SORCS3: variants seen among roughly 807,000 people sequenced by gnomAD.
SORCS3 encodes sortilin related VPS10 domain containing receptor 3.
A neutral mutation model predicts 146.3 loss-of-function variants in SORCS3; 57 were observed. The ratio of observed to expected loss-of-function variants is 0.39; its 90% confidence interval spans 0.31 to 0.49. The LOEUF is 0.49. Ranked by LOEUF, SORCS3 falls within the 20% of genes least tolerant of loss-of-function variation. The pLI, the probability that SORCS3 is intolerant of heterozygous loss-of-function variation, is 0.92. For synonymous variants in SORCS3, 653 were observed against 618.5 expected, an observed-to-expected ratio of 1.06 and a Z score of -0.83; for missense variants, 1,341 against 1,575.5, an observed-to-expected ratio of 0.85 and a Z score of 2.52.
intron 1 of SORCS3, among the ~76,000 whole-genome samples, chr10:104,722,340 G>A (rs2016560031): frequency 6.6e-6 from 1 of 152,134 alleles, no homozygotes; most frequent in Non-Finnish European, 1.5e-5. Flanking sequence ...ACTTGATCAT[G>A]GTGGATAAGC....
chr10:104,910,719 A>C (rs892385467), intron 2 of SORCS3, among the ~76,000 whole-genome samples: 11 of 152,246 alleles, frequency 7.2e-5, no homozygotes, highest in Non-Finnish European at 1.5e-4. Flanking sequence ...TGTGCTGGAA[A>C]TAATAAGAAA....
chr10:104,995,162 C>CTT (rs1260330772), intron 4 of SORCS3, among the ~76,000 whole-genome samples: 6 of 121,856 alleles, frequency 4.9e-5, no homozygotes, highest in African/African-American at 2.1e-4. Context: ...TTCTTTCTTT[C>CTT]TCTTTTTTTT....
rs146762305 is a variant in SORCS3, at chr10:104,803,762, C to A, written c.628-39030C>A. Among the ~76,000 whole-genome samples, 675 of 152,206 alleles carry A rather than the reference C, an allele frequency of 4.4e-3. 3 individuals are homozygous for A. Among genetic ancestry groups the A allele is most frequent in the African/African-American group, 0.015 (630 of 41,538 alleles). On this transcript the variant is annotated intron_variant, in intron 1 of 26. Coordinates refer to ENST00000369701, the MANE Select transcript of SORCS3 (RefSeq NM_014978.3). ...AAGCTCTCACTGCAGGTGAGTGACC[C>A]CATTTTTTACTTCTGGGTTCTCATG... is the stretch of plus-strand genomic sequence containing the variant.
At chr10:104,887,963 G>GT (rs1564706324) in intron 2 of SORCS3, among the ~76,000 whole-genome samples, 4 of 126,948 alleles carry the variant, frequency 3.2e-5, no homozygotes, top group African/African-American at 3.3e-5. Flanking sequence ...TGGGGGCGGG[G>GT]GGGCGGGGGC....
intron 14 of SORCS3, among the ~76,000 whole-genome samples, chr10:105,184,340 A>G (rs993340215): frequency 5.3e-5 from 8 of 152,326 alleles, no homozygotes; most frequent in African/African-American, 1.9e-4. Context: ...TGCATGTCAT[A>G]AAATATAATT....
chr10:105,021,531 C>T (rs915198845), intron 4 of SORCS3, among the ~76,000 whole-genome samples: 7 of 152,158 alleles, frequency 4.6e-5, no homozygotes, highest in Non-Finnish European at 8.8e-5. Flanking sequence ...AGAATTCAAG[C>T]GCTCTTTTCC....
chr10:105,144,845 A>C (rs2056120111), intron 8 of SORCS3, among the ~76,000 whole-genome samples: 2 of 152,146 alleles, frequency 1.3e-5, no homozygotes. Context: ...CTATTGGACC[A>C]ATTTTAGCTA....
intron 3 of SORCS3, among the ~76,000 whole-genome samples, chr10:104,974,597 GT>G (rs1046114074): frequency 6.6e-6 from 1 of 152,046 alleles, no homozygotes; most frequent in African/African-American, 2.4e-5. Context: ...GTCTCTACAC[GT>G]GAGATGGGTT....
chr10:104,737,990 A>G (rs906667518), intron 1 of SORCS3, among the ~76,000 whole-genome samples: 20 of 151,722 alleles, frequency 1.3e-4, no homozygotes, highest in African/African-American at 4.6e-4. Flanking sequence ...AGCTTTCTAC[A>G]TATGGCTAGC....
At chr10:104,644,838 C>T (rs17117493) in intron 1 of SORCS3, among the ~76,000 whole-genome samples, 2,997 of 152,238 alleles carry the variant, frequency 0.02, 47 homozygotes, top group Non-Finnish European at 0.028. Flanking sequence ...TTTTGGGGAG[C>T]GTTTTCAGTA....
At chr10:104,800,120 TACATCCAG>T (rs1205610729) in intron 1 of SORCS3, among the ~76,000 whole-genome samples, 2 of 152,180 alleles carry the variant, frequency 1.3e-5, no homozygotes, top group African/African-American at 4.8e-5. Context: ...TAAACTGTGA[TACATCCAG>T]ACGATGGAAG....
chr10:105,234,315 A>T (rs2056780860), intron 20 of SORCS3, among the ~76,000 whole-genome samples: 1 of 150,930 alleles, frequency 6.6e-6, no homozygotes, highest in Non-Finnish European at 1.5e-5. Flanking sequence ...TTTTTTCTTA[A>T]TCTTTGATTT....
At chr10:105,029,421 A>G (rs941862766) in intron 4 of SORCS3, among the ~76,000 whole-genome samples, 1 of 152,230 alleles carries the variant, frequency 6.6e-6, no homozygotes, top group East Asian at 1.9e-4. Flanking sequence ...TGCACAGACC[A>G]TATCCCTTTT....
intron 4 of SORCS3, among the ~76,000 whole-genome samples, chr10:105,003,599 T>C (rs2055074413): frequency 6.6e-6 from 1 of 152,238 alleles, no homozygotes; most frequent in Admixed American, 6.5e-5. Context: ...CAGATAAATA[T>C]GCAGAGCAAG....
chr10:105,031,607 C>T (rs2791461), intron 4 of SORCS3, among the ~76,000 whole-genome samples: 45,159 of 152,024 alleles, frequency 0.3, 7,119 homozygotes, highest in African/African-American at 0.41. Context: ...AACTTGCTGC[C>T]GTGTGAGGCA....
At position 104,777,320 on chromosome 10, in the gene SORCS3, C is replaced by T. The variant is rs142437726; in HGVS notation, c.628-65472C>T. ...AGTGAATGAGAACCTGGCTGTCCTC[C>T]GGGGGTAGCTGCACAGTTACACACT... On this transcript the variant is annotated intron_variant, in intron 1 of 26. Transcript: ENST00000369701. Among the ~76,000 whole-genome samples the T allele has an allele frequency of 6.6e-5, 10 of 152,286 alleles. No homozygotes were observed. In the East Asian group the frequency reaches 9.7e-4, roughly 15 times the overall value.
chr10:104,939,659 G>C (rs998857062), intron 3 of SORCS3, among the ~76,000 whole-genome samples: 1 of 152,140 alleles, frequency 6.6e-6, no homozygotes, highest in Non-Finnish European at 1.5e-5. Flanking sequence ...TGAAGTAACT[G>C]CCCTCACCAA....
At chr10:105,121,820 G>A (rs1274504493) in intron 7 of SORCS3, among the ~76,000 whole-genome samples, 11 of 152,186 alleles carry the variant, frequency 7.2e-5, no homozygotes, top group African/African-American at 1.7e-4. Flanking sequence ...GGGACTTCCC[G>A]TGGGGACTGG....
intron 5 of SORCS3, among the ~76,000 whole-genome samples, chr10:105,051,280 C>T (rs1048570429): frequency 4.6e-5 from 7 of 152,108 alleles, no homozygotes; most frequent in South Asian, 2.1e-4. Flanking sequence ...TTTAGACACC[C>T]GTGTCAGCCT....
Sources: gnomAD v4.1 joint callset for allele counts (sites outside exome capture counted in the v4.1 genomes callset) on GRCh38, gnomAD v4.1.1 for gene constraint, MANE v1.5 for transcripts, NCBI Gene and HGNC (gene_info 2026-07-23, HGNC 2026-07-21) for gene names.